TDRD12: variants seen among roughly 807,000 people sequenced by gnomAD.
TDRD12 encodes the protein putative ATP-dependent RNA helicase TDRD12.
In TDRD12, 158 loss-of-function variants were observed where a neutral mutation model predicts 133.5. That is an observed-to-expected ratio of 1.18 (90% CI 1.04 to 1.35). TDRD12 has a LOEUF of 1.35. Among genes scored for constraint, TDRD12 ranks in the 40% most tolerant of loss-of-function variants. The probability of loss-of-function intolerance (pLI) is 0.00; values close to 1 mark genes in which losing one functional copy is unlikely to be tolerated. For synonymous variants in TDRD12, 460 were observed against 477.9 expected (o/e 0.96, Z 0.49); for missense variants, 1,443 against 1,321.3 (o/e 1.09, Z -1.43).
chr19:32,770,153 C>A (rs924995598), intron 8 of TDRD12, among the ~76,000 whole-genome samples: 2 of 151,766 alleles, frequency 1.3e-5, no homozygotes, highest in African/African-American at 4.8e-5. Context: ...ATTAAAGGCA[C>A]GCACCACCAT....
chr19:32,756,446 G>C (rs1368922359), intron 7 of TDRD12, among the ~76,000 whole-genome samples: 2 of 151,982 alleles, frequency 1.3e-5, no homozygotes, highest in East Asian at 1.9e-4. Context: ...GGAGTGCAGT[G>C]GTGTGATCTC....
intron 11 of TDRD12, among the ~76,000 whole-genome samples, chr19:32,789,160 C>T (rs920876228): frequency 6.6e-5 from 10 of 152,142 alleles, no homozygotes; most frequent in African/African-American, 2.4e-4. Context: ...CCCCTAATTC[C>T]TAAGCTTTCT....
chr19:32,797,922 T>C, intron 15 of TDRD12, 31 bp downstream of exon 15: 2 of 669,548 alleles, frequency 3.0e-6, no homozygotes, highest in African/African-American at 3.6e-5. Context: ...GCTATAAAAG[T>C]TAAAGTATCC....
intron 2 of TDRD12, among the ~76,000 whole-genome samples, chr19:32,734,555 T>G (rs1050995110): frequency 1.7e-4 from 26 of 151,944 alleles, no homozygotes; most frequent in Non-Finnish European, 3.5e-4. Flanking sequence ...GTATTTTTTG[T>G]GGTGACAGGG....
intron 8 of TDRD12, among the ~76,000 whole-genome samples, chr19:32,765,219 C>G (rs1970260949): frequency 6.6e-6 from 1 of 152,118 alleles, no homozygotes; most frequent in Non-Finnish European, 1.5e-5. Context: ...GAATGGCAGT[C>G]ATTAAAAAGT....
chr19:32,794,241 G>A (rs879357199), intron 13 of TDRD12, among the ~76,000 whole-genome samples: 72 of 151,630 alleles, frequency 4.7e-4, no homozygotes, highest in Non-Finnish European at 8.2e-4. Flanking sequence ...GAGTAGCTGG[G>A]ATTATAGGCA....
intron 4 of TDRD12, among the ~76,000 whole-genome samples, chr19:32,743,292 C>T (rs534104677): frequency 1.9e-3 from 292 of 152,286 alleles, no homozygotes; most frequent in African/African-American, 6.7e-3. Flanking sequence ...AGCAATCCTC[C>T]TACCTCAGCC....
intron 1 of TDRD12, among the ~76,000 whole-genome samples, chr19:32,725,747 T>C (rs781685723): frequency 6.6e-6 from 1 of 152,176 alleles, no homozygotes; most frequent in Non-Finnish European, 1.5e-5. Flanking sequence ...TCTATTTCTG[T>C]GAAGAATGTC....
At position 32,773,670 on chromosome 19, in the gene TDRD12, C is replaced by G. The variant is rs1970500456; in HGVS notation, c.1040+138C>G. 4.8e-6 allele frequency: 3 copies of G among 623,860 alleles called. No homozygotes were observed. In the South Asian group the frequency reaches 5.8e-5, roughly 12 times the overall value. The allele number at this position is 623,860 out of a possible 1,614,324, so 38.6% of individuals were successfully genotyped here. On this transcript the variant is annotated intron_variant, in intron 10 of 27. Coordinates refer to ENST00000444215, the Ensembl canonical transcript of TDRD12. ...CTATGATCGTACCACTGTACTCCAG[C>G]CTGGGTGACAGAGTGAGACTCTTAT...
chr19:32,777,735 C>CCTAGGCT (rs1226223618), intron 11 of TDRD12, among the ~76,000 whole-genome samples: 2 of 147,418 alleles, frequency 1.4e-5, no homozygotes, highest in African/African-American at 5.0e-5. Context: ...GCTTCGACCT[C>CCTAGGCT]CTAGGCTCAA....
intron 8 of TDRD12, among the ~76,000 whole-genome samples, chr19:32,771,440 A>T (rs1970440285): frequency 6.6e-6 from 1 of 152,138 alleles, no homozygotes; most frequent in Non-Finnish European, 1.5e-5. Context: ...GTTTACAGGC[A>T]TGCTGTTGCA....
chr19:32,773,606 G>A, intron 10 of TDRD12, 74 bp downstream of exon 10: 2 of 1,373,618 alleles, frequency 1.5e-6, no homozygotes, highest in South Asian at 1.2e-5. Context: ...GCTGAGCTGG[G>A]GGGATCGCTT....
downstream of TDRD12, among the ~76,000 whole-genome samples, chr19:32,823,858 T>C (rs1347526183): frequency 6.6e-6 from 1 of 152,092 alleles, no homozygotes; most frequent in Non-Finnish European, 1.5e-5. Flanking sequence ...CTGAAGAGGG[T>C]CTGCACTGTC....
chr19:32,735,954 A>G (rs1212675991), intron 2 of TDRD12, among the ~76,000 whole-genome samples: 1 of 152,166 alleles, frequency 6.6e-6, no homozygotes, highest in Non-Finnish European at 1.5e-5. Context: ...TGGGTGACAG[A>G]GAGAGACTCC....
chr19:32,821,913 A>C (rs1967409815), downstream of TDRD12, among the ~76,000 whole-genome samples: 1 of 152,224 alleles, frequency 6.6e-6, no homozygotes, highest in African/African-American at 2.4e-5. Context: ...GACTTAGCAG[A>C]CATTTCTGAC....
intron 3 of TDRD12, 73 bp from the exon 4 acceptor site, chr19:32,742,708 A>C (rs1308094754): frequency 5.0e-6 from 7 of 1,399,498 alleles, no homozygotes; most frequent in Non-Finnish European, 6.7e-6. Context: ...TATTAATAAA[A>C]TAGGTATACT....
intron 6 of TDRD12, among the ~76,000 whole-genome samples, chr19:32,750,238 A>G (rs1665442668): frequency 6.6e-6 from 1 of 152,230 alleles, no homozygotes; most frequent in Non-Finnish European, 1.5e-5. Context: ...AATAATTCAG[A>G]TCACAAGCAG....
At chr19:32,729,624 T>G (rs2145427443) in intron 1 of TDRD12, among the ~76,000 whole-genome samples, 1 of 151,692 alleles carries the variant, frequency 6.6e-6, no homozygotes, top group East Asian at 1.9e-4. Context: ...ATATAGAGTT[T>G]CCATTTCTTA....
intron 26 of TDRD12, 100 bp downstream of exon 26, chr19:32,815,720 G>A (rs1967155330): frequency 1.7e-5 from 21 of 1,211,308 alleles, no homozygotes; most frequent in Non-Finnish European, 2.3e-5. Context: ...AGTTGGCTGG[G>A]TGCGGTGGCT....
Sources: gnomAD v4.1 joint callset for allele counts (sites outside exome capture counted in the v4.1 genomes callset) on GRCh38, gnomAD v4.1.1 for gene constraint, MANE v1.5 for transcripts, NCBI Gene and HGNC (gene_info 2026-07-23, HGNC 2026-07-21) for gene names.